The following SYT1 variants were observed in gnomAD, a reference collection of about 807,000 sequenced individuals.
SYT1 encodes the protein synaptotagmin-1.
Under a neutral mutation model 44.8 loss-of-function variants are expected in SYT1, and 8 were observed. That is an observed-to-expected ratio of 0.18 (90% CI 0.10 to 0.32). The LOEUF is 0.32. Among genes scored for constraint, SYT1 ranks in the 10% least tolerant of loss-of-function variants. The pLI, the probability that SYT1 is intolerant of heterozygous loss-of-function variation, is 1.00. For missense variants in SYT1, 286 were observed against 509.3 expected (o/e 0.56, Z 4.22); for synonymous variants, 154 against 188.8 (o/e 0.82, Z 1.51).
At chr12:79,023,586 C>A (rs1872330467) in intron 2 of SYT1, among the ~76,000 whole-genome samples, 1 of 151,768 alleles carries the variant, frequency 6.6e-6, no homozygotes, top group South Asian at 2.1e-4. Context: ...GAGAAACCAG[C>A]CTGTAGTCGT....
chr12:79,132,559 A>T (rs956716531), intron 3 of SYT1, among the ~76,000 whole-genome samples: 2 of 150,656 alleles, frequency 1.3e-5, no homozygotes, highest in African/African-American at 4.9e-5. Context: ...CCCGGTTAGG[A>T]TGTCTGTTAT....
At chr12:79,412,792 A>G (rs545199439) in intron 9 of SYT1, among the ~76,000 whole-genome samples, 34 of 152,286 alleles carry the variant, frequency 2.2e-4, no homozygotes, top group Middle Eastern at 3.4e-3. Flanking sequence ...AGAAAAATTA[A>G]CGTTTTACAT....
intron 3 of SYT1, among the ~76,000 whole-genome samples, chr12:79,143,508 G>T (rs1338202110): frequency 2.0e-5 from 3 of 152,278 alleles, no homozygotes; most frequent in Non-Finnish European, 4.4e-5. Context: ...GCAGTGATGG[G>T]TGCTCAGCCC....
At chr12:78,869,106 T>G (rs1307677059) in intron 1 of SYT1, among the ~76,000 whole-genome samples, 2 of 151,906 alleles carry the variant, frequency 1.3e-5, no homozygotes, top group African/African-American at 4.8e-5. Flanking sequence ...ATGTTTTCAT[T>G]AAATTCCTCA....
intron 1 of SYT1, among the ~76,000 whole-genome samples, chr12:78,920,592 T>C (rs934156506): frequency 1.3e-5 from 2 of 151,964 alleles, no homozygotes; most frequent in Non-Finnish European, 1.5e-5. Flanking sequence ...AAATAAGCAT[T>C]TTTTATTAAA....
chr12:79,314,528 A>T (rs1880986866), intron 8 of SYT1, among the ~76,000 whole-genome samples: 1 of 152,178 alleles, frequency 6.6e-6, no homozygotes, highest in Non-Finnish European at 1.5e-5. Context: ...CCCACAAAGG[A>T]ACTCAAAGTT....
chr12:78,953,552 T>C (rs1879072212), intron 1 of SYT1, among the ~76,000 whole-genome samples: 1 of 152,088 alleles, frequency 6.6e-6, no homozygotes, highest in Non-Finnish European at 1.5e-5. Context: ...TGAGGTATTA[T>C]TGTCTTGAAA....
intron 3 of SYT1, among the ~76,000 whole-genome samples, chr12:79,089,788 G>T (rs1282499029): frequency 6.6e-6 from 1 of 151,998 alleles, no homozygotes; most frequent in Non-Finnish European, 1.5e-5. Context: ...CGTTTAATTT[G>T]CTAAACTCCA....
At chr12:79,014,618 T>G (rs1200066278) in intron 2 of SYT1, among the ~76,000 whole-genome samples, 4 of 152,152 alleles carry the variant, frequency 2.6e-5, no homozygotes, top group Non-Finnish European at 5.9e-5. Flanking sequence ...TTGGTGGGAC[T>G]GTATACTAGT....
intron 3 of SYT1, among the ~76,000 whole-genome samples, chr12:79,102,286 C>A (rs1176664058): frequency 6.6e-6 from 1 of 152,048 alleles, no homozygotes; most frequent in Non-Finnish European, 1.5e-5. Context: ...CTCTCTCTCT[C>A]TCTGTCCTTC....
At chr12:79,237,961 C>G (rs6539315) in intron 4 of SYT1, among the ~76,000 whole-genome samples, 111,318 of 152,122 alleles carry the variant, frequency 0.73, 41,513 homozygotes, top group African/African-American at 0.85. Context: ...AAAGGAAATA[C>G]AACTTGTATG....
At chr12:79,085,738 C>T (rs1024650745) in intron 3 of SYT1, among the ~76,000 whole-genome samples, 5 of 152,142 alleles carry the variant, frequency 3.3e-5, no homozygotes, top group Non-Finnish European at 4.4e-5. Context: ...AAGAACAATA[C>T]AGCAGTTATC....
At chr12:79,175,288 A>T (rs1310943675) in intron 3 of SYT1, among the ~76,000 whole-genome samples, 1 of 152,060 alleles carries the variant, frequency 6.6e-6, no homozygotes, top group Non-Finnish European at 1.5e-5. Flanking sequence ...CTGTGATTTT[A>T]TTGGTGCTAT....
chr12:79,235,431 C>T (rs906571745), intron 4 of SYT1, among the ~76,000 whole-genome samples: 3 of 151,852 alleles, frequency 2.0e-5, no homozygotes, highest in African/African-American at 7.3e-5. Context: ...ATTTCATGAC[C>T]TTGATATAGA....
At chr12:79,338,909 A>G (rs1257475255) in intron 8 of SYT1, among the ~76,000 whole-genome samples, 6 of 151,996 alleles carry the variant, frequency 3.9e-5, no homozygotes, top group Admixed American at 6.6e-5. Context: ...ATGAGTGAGA[A>G]CATGCAGTGT....
chr12:78,924,392 T>C (rs1748278663), intron 1 of SYT1, among the ~76,000 whole-genome samples: 1 of 151,832 alleles, frequency 6.6e-6, no homozygotes, highest in Non-Finnish European at 1.5e-5. Flanking sequence ...CTGCCTCGAA[T>C]TTTTACACAC....
chr12:79,091,809 C>T (rs900944037), intron 3 of SYT1, among the ~76,000 whole-genome samples: 2 of 151,922 alleles, frequency 1.3e-5, no homozygotes, highest in African/African-American at 2.4e-5. Flanking sequence ...TAATTTTTCT[C>T]TCTCGAGTTC....
chr12:78,887,460 A>C (rs996551889), intron 1 of SYT1, among the ~76,000 whole-genome samples: 6 of 152,004 alleles, frequency 3.9e-5, no homozygotes, highest in Non-Finnish European at 7.4e-5. Flanking sequence ...TAAGGAAAGA[A>C]GAAAGAATCA....
intron 9 of SYT1, among the ~76,000 whole-genome samples, chr12:79,434,855 G>T (rs767041874): frequency 4.0e-5 from 6 of 151,786 alleles, no homozygotes; most frequent in East Asian, 3.9e-4. Flanking sequence ...TTTAGGTAGA[G>T]ACTTCTGGCT....
Sources: gnomAD v4.1 joint callset for allele counts (sites outside exome capture counted in the v4.1 genomes callset) on GRCh38, gnomAD v4.1.1 for gene constraint, MANE v1.5 for transcripts, NCBI Gene and HGNC (gene_info 2026-07-23, HGNC 2026-07-21) for gene names.